The following LAMC1 variants were observed in gnomAD, a reference collection of about 807,000 sequenced individuals.
LAMC1 encodes laminin subunit gamma 1.
A neutral mutation model predicts 173.6 loss-of-function variants in LAMC1; 38 were observed. The ratio of observed to expected loss-of-function variants is 0.22; its 90% CI spans 0.17 to 0.29. The LOEUF is 0.29. Among genes scored for constraint, LAMC1 ranks in the 10% least tolerant of loss-of-function variants. LAMC1 has a pLI of 1.00. For missense variants in LAMC1, 1,824 were observed against 2,051.8 expected, an observed-to-expected ratio of 0.89 and a Z score of 2.14; for synonymous variants, 746 against 749.1, an observed-to-expected ratio of 1.00 and a Z score of 0.07.
At chr1:183,035,822 C>T (rs935511491) in intron 1 of LAMC1, among the ~76,000 whole-genome samples, 1 of 152,126 alleles carries the variant, frequency 6.6e-6, no homozygotes, top group African/African-American at 2.4e-5. Context: ...TTTATTCAAA[C>T]CTAGACTAAA....
intron 1 of LAMC1, among the ~76,000 whole-genome samples, chr1:183,049,973 AT>A (rs1202928448): frequency 6.6e-6 from 1 of 152,064 alleles, no homozygotes; most frequent in Non-Finnish European, 1.5e-5. Context: ...TCCGTGCATT[AT>A]TTTTTTCAAA....
chr1:183,115,582 G>T lies in LAMC1; in HGVS notation c.1273G>T (p.Asp425Tyr). The T allele has an allele frequency of 6.2e-7, 1 of 1,614,144 alleles. No individual in the cohort carries two copies. Among genetic ancestry groups the T allele is most frequent in the Non-Finnish European group, 8.5e-7 (1 of 1,179,996 alleles). ...RCSCKPGVMG[D>Y]KCDRCQPGFH... ...CAGCTGTAAGCCAGGAGTGATGGGG[G>T]ACAAATGTGACCGTTGCCAGCCTGG... is the stretch of plus-strand genomic sequence containing the variant. The change falls in exon 6 of 28, where the codon GAC becomes TAC. Residue 425 changes from aspartate (D) to tyrosine (Y), a missense_variant. Coordinates refer to ENST00000258341, the MANE Select transcript of LAMC1 (RefSeq NM_002293.4).
chr1:183,133,063 A>G (rs1656842453), intron 21 of LAMC1, among the ~76,000 whole-genome samples: 1 of 151,972 alleles, frequency 6.6e-6, no homozygotes, highest in Non-Finnish European at 1.5e-5. Context: ...GGTGCCTGCC[A>G]CCACACCCAG....
At chr1:183,064,226 GT>G (rs959429127) in intron 1 of LAMC1, among the ~76,000 whole-genome samples, 1 of 152,126 alleles carries the variant, frequency 6.6e-6, no homozygotes, top group African/African-American at 2.4e-5. Flanking sequence ...AATGGAGTAC[GT>G]TCTGAGAAAT....
chr1:183,076,898 C>T (rs141595707), intron 1 of LAMC1, among the ~76,000 whole-genome samples: 1,612 of 152,274 alleles, frequency 0.011, 27 homozygotes, highest in African/African-American at 0.037. Context: ...CCATCTAATA[C>T]CTTGTCCTAA....
intron 26 of LAMC1, among the ~76,000 whole-genome samples, chr1:183,139,842 G>A (rs1657055420): frequency 1.3e-5 from 2 of 152,068 alleles, no homozygotes; most frequent in Admixed American, 1.3e-4. Flanking sequence ...AAATTATATT[G>A]CCCCAATAAA....
At chr1:183,035,867 T>A (rs889436361) in intron 1 of LAMC1, among the ~76,000 whole-genome samples, 1 of 152,228 alleles carries the variant, frequency 6.6e-6, no homozygotes, top group African/African-American at 2.4e-5. Context: ...TGATTGTTAC[T>A]GCTTTACAAT....
rs1267171754 is a variant in LAMC1 at position 183,117,602 on chromosome 1, C to G, written c.1756C>G (p.Arg586Gly). 2.4e-5 allele frequency: 38 copies of G among 1,614,166 alleles called. No individual in the cohort carries two copies. The highest frequency in any genetic ancestry group is 2.8e-5 in the Non-Finnish European group (33 of 1,180,028). Residue 586 changes from arginine to glycine, a missense_variant, in exon 10 of 28, where the codon CGA becomes GGA. Transcript: ENST00000258341. Reference sequence around the variant, plus strand: ...CTCCTTCTCCTTTCGAGTGGACAGGCGAGATACTCGCCTCTCTGCAGAAGA... The same window carrying G: ...CTCCTTCTCCTTTCGAGTGGACAGGGGAGATACTCGCCTCTCTGCAGAAGA... ...NLSFSFRVDR[R>G]DTRLSAEDLV...
rs150298695 is a variant in LAMC1, at chr1:183,023,998, C to T, written c.282C>T (p.Ala94=). ...GVTKSCHLCD[A]GQPHLQHGAA... is the part of the protein sequence containing the mutation. ...CCAAGTCCTGTCACCTGTGCGACGC[C>T]GGGCAGCCCCACCTGCAGCACGGGG... The change falls in exon 1 of 28, where the codon GCC becomes GCT. Residue 94 remains alanine (A), a synonymous_variant. Transcript: ENST00000258341. The T allele has an allele frequency of 3.5e-4, 561 of 1,613,094 alleles. 4 individuals are homozygous for T. Among genetic ancestry groups the T allele is most frequent in the South Asian group, 2.9e-3 (265 of 91,030 alleles).
chr1:183,052,298 C>A (rs996153527), intron 1 of LAMC1, among the ~76,000 whole-genome samples: 1 of 152,072 alleles, frequency 6.6e-6, no homozygotes, highest in African/African-American at 2.4e-5. Flanking sequence ...ATATTCTGGT[C>A]ATACTAAAAG....
intron 1 of LAMC1, among the ~76,000 whole-genome samples, chr1:183,064,766 A>G (rs983824874): frequency 6.6e-5 from 10 of 152,210 alleles, no homozygotes; most frequent in African/African-American, 2.2e-4. Context: ...TGATACATTT[A>G]TATGATTACT....
intron 13 of LAMC1, 68 bp from the exon 14 acceptor site, chr1:183,124,563 C>T (rs1656569059): frequency 1.3e-6 from 2 of 1,545,462 alleles, no homozygotes; most frequent in Non-Finnish European, 1.8e-6. Context: ...TACCTGTAGC[C>T]AGTGGTAATC....
intron 1 of LAMC1, among the ~76,000 whole-genome samples, chr1:183,047,751 T>C (rs1037831280): frequency 2.0e-5 from 3 of 152,148 alleles, no homozygotes; most frequent in Non-Finnish European, 4.4e-5. Flanking sequence ...GACAGTCCCA[T>C]ACAACAAAGA....
chr1:183,119,061 T>A (rs1307415435), intron 11 of LAMC1, among the ~76,000 whole-genome samples: 2 of 152,034 alleles, frequency 1.3e-5, no homozygotes, highest in Non-Finnish European at 2.9e-5. Context: ...CACACCCAGC[T>A]AATTTTTGTA....
At chr1:183,070,800 T>C (rs1033624500) in intron 1 of LAMC1, among the ~76,000 whole-genome samples, 2 of 152,130 alleles carry the variant, frequency 1.3e-5, no homozygotes, top group Admixed American at 6.5e-5. Context: ...TCTGTTGATA[T>C]GGAAAGAATT....
intron 7 of LAMC1, 46 bp downstream of exon 7, chr1:183,116,721 T>A: frequency 1.2e-6 from 2 of 1,611,748 alleles, no homozygotes; most frequent in Non-Finnish European, 1.7e-6. Context: ...TGTTACCATA[T>A]TTCAAGTAAA....
intron 1 of LAMC1, among the ~76,000 whole-genome samples, chr1:183,031,527 C>G (rs1304785096): frequency 6.6e-6 from 1 of 152,168 alleles, no homozygotes; most frequent in Non-Finnish European, 1.5e-5. Context: ...TGGTTTTGAA[C>G]TCCCGACCTC....
intron 1 of LAMC1, among the ~76,000 whole-genome samples, chr1:183,091,438 T>G (rs1247194456): frequency 6.6e-6 from 1 of 152,116 alleles, no homozygotes; most frequent in Middle Eastern, 3.2e-3. Flanking sequence ...GGTTTGCCAG[T>G]CTCTGTCTTG....
chr1:183,132,318 A>G (rs1179224815), intron 20 of LAMC1, 82 bp from the exon 21 acceptor site: 1 of 888,960 alleles, frequency 1.1e-6, no homozygotes, highest in Non-Finnish European at 1.7e-6. Context: ...AATAATAATA[A>G]TAAAGTAAGC....
Sources: allele counts gnomAD v4.1 joint callset (sites outside exome capture counted in the v4.1 genomes callset), GRCh38; gene constraint gnomAD v4.1.1; transcripts MANE v1.5; gene names NCBI Gene and HGNC (gene_info 2026-07-23, HGNC 2026-07-21).